Variants in RDX observed in about 807,000 individuals in gnomAD.
RDX encodes the protein radixin.
A neutral mutation model predicts 83.7 loss-of-function variants in RDX; 32 were observed. The observed-to-expected ratio is 0.38, with a 90% CI of 0.29 to 0.51. RDX has a LOEUF of 0.51. Ranked by LOEUF, RDX falls within the 20% of genes least tolerant of loss-of-function variation. The probability of loss-of-function intolerance (pLI) is 0.87; values close to 1 mark genes in which losing one functional copy is unlikely to be tolerated. For synonymous variants in RDX, 229 were observed against 222.7 expected (o/e 1.03, Z -0.25); for missense variants, 600 against 689.9 (o/e 0.87, Z 1.46).
rs183324060 is a variant in RDX at position 110,247,032 on chromosome 11, T to C, written c.1090+671A>G. On this transcript the variant is annotated intron_variant, in intron 10 of 13. Transcript: ENST00000645495. The stretch of plus-strand genomic sequence containing the variant: ...CATTTTATTGATGCAATACTTTTTT[T>C]TTCTTGCTTTCTCCACTATTCGCTG... Among the ~76,000 whole-genome samples, 244 of 152,348 alleles carry C rather than the reference T, an allele frequency of 1.6e-3. 1 individual carries two copies. Among genetic ancestry groups the C allele is most frequent in the Admixed American group, 3.1e-3 (47 of 15,310 alleles).
intron 5 of RDX, among the ~76,000 whole-genome samples, chr11:110,261,517 A>G (rs973905151): frequency 1.3e-5 from 2 of 152,088 alleles, no homozygotes; most frequent in Non-Finnish European, 2.9e-5. Flanking sequence ...CTAATTACTC[A>G]TTTCCTCCCC....
chr11:110,281,727 G>A (rs1191953931), intron 1 of RDX, among the ~76,000 whole-genome samples: 1 of 151,920 alleles, frequency 6.6e-6, no homozygotes, highest in African/African-American at 2.4e-5. Flanking sequence ...ATGTATTTCA[G>A]TCCAATTTTT....
intron 14 of RDX, among the ~76,000 whole-genome samples, chr11:110,217,695 C>G (rs551631065): frequency 5.9e-5 from 9 of 152,266 alleles, no homozygotes; most frequent in African/African-American, 2.2e-4. Flanking sequence ...GCATCAAGAC[C>G]ACTACTGCAC....
chr11:110,255,235 G>T (rs1859491740), intron 8 of RDX, 54 bp downstream of exon 8: 2 of 922,664 alleles, frequency 2.2e-6, no homozygotes, highest in Non-Finnish European at 3.5e-6. Flanking sequence ...GATATCATGG[G>T]AAACTAGCAG....
chr11:110,238,475 C>G (rs1349206619), intron 10 of RDX, among the ~76,000 whole-genome samples: 1 of 152,160 alleles, frequency 6.6e-6, no homozygotes, highest in East Asian at 1.9e-4. Flanking sequence ...TAAGACAGTA[C>G]AAGGTCCTAC....
rs913464454 is a variant in RDX at position 110,229,480 on chromosome 11, G to A, written c.*2389C>T. The A allele has an allele frequency of 6.6e-6, 1 of 152,360 alleles. No individual in the cohort carries two copies. The highest frequency in any genetic ancestry group is 1.5e-5 in the Non-Finnish European group (1 of 67,870). The allele number at this position is 152,360 out of a possible 1,614,324, so 9.4% of individuals were successfully genotyped here. On this transcript the variant is annotated 3_prime_UTR_variant, in exon 14 of 14. Transcript: ENST00000645495. ...TTTTGTCACTTTATTGTTAACCAAT[G>A]AATATTATCCAAAATTAGAGATGTA...
At chr11:110,294,116 G>A (rs144893218) in intron 1 of RDX, among the ~76,000 whole-genome samples, 6 of 152,192 alleles carry the variant, frequency 3.9e-5, no homozygotes, top group Admixed American at 2.6e-4. Flanking sequence ...AATTCTGGCC[G>A]GGCGCAGCGG....
intron 14 of RDX, among the ~76,000 whole-genome samples, chr11:110,221,645 CGAA>C (rs903192735): frequency 6.7e-6 from 1 of 150,304 alleles, no homozygotes; most frequent in Admixed American, 6.6e-5. Flanking sequence ...CACACACACA[CGAA>C]GATCAAAGTT....
intron 5 of RDX, 68 bp downstream of exon 5, chr11:110,263,892 A>G: frequency 6.8e-7 from 1 of 1,473,014 alleles, no homozygotes; most frequent in Non-Finnish European, 9.3e-7. Flanking sequence ...AACCTGAAAA[A>G]CGTTTTATTT....
chr11:110,234,513 C>T (rs1448369336), intron 12 of RDX, among the ~76,000 whole-genome samples: 1 of 152,098 alleles, frequency 6.6e-6, no homozygotes, highest in East Asian at 1.9e-4. Context: ...CAGGAAGTAT[C>T]CTGGAAGAAT....
At chr11:110,211,428 G>A (rs1457889589) in intron 14 of RDX, among the ~76,000 whole-genome samples, 1 of 149,890 alleles carries the variant, frequency 6.7e-6, no homozygotes, top group Non-Finnish European at 1.5e-5. Context: ...AGATCAACGA[G>A]ACAGAAAGTC....
intron 15 of RDX, among the ~76,000 whole-genome samples, chr11:110,188,114 C>A (rs4329655): frequency 6.6e-6 from 1 of 151,872 alleles, no homozygotes; most frequent in Non-Finnish European, 1.5e-5. Flanking sequence ...GCCAAGATGG[C>A]GAAACCCCAT....
chr11:110,282,236 C>G (rs1860793335), intron 1 of RDX, among the ~76,000 whole-genome samples: 1 of 152,124 alleles, frequency 6.6e-6, no homozygotes, highest in Non-Finnish European at 1.5e-5. Flanking sequence ...TTTTTTGAAT[C>G]ATAATAGTTG....
intron 14 of RDX, among the ~76,000 whole-genome samples, chr11:110,221,470 T>C (rs1864243949): frequency 6.6e-6 from 1 of 152,004 alleles, no homozygotes; most frequent in Non-Finnish European, 1.5e-5. Context: ...TGGTGGCACA[T>C]GCCTGTGCTC....
intron 1 of RDX, among the ~76,000 whole-genome samples, chr11:110,290,741 A>C (rs575590356): frequency 6.6e-6 from 1 of 152,234 alleles, no homozygotes; most frequent in South Asian, 2.1e-4. Flanking sequence ...TAAGCCACAC[A>C]GTCTCTGTTG....
At chr11:110,292,841 T>C (rs1486288334) in intron 1 of RDX, among the ~76,000 whole-genome samples, 1 of 152,158 alleles carries the variant, frequency 6.6e-6, no homozygotes, top group Non-Finnish European at 1.5e-5. Context: ...TTCTAAGGAG[T>C]TGGCAAACTT....
intron 15 of RDX, among the ~76,000 whole-genome samples, chr11:110,178,264 G>GA (rs1244789929): frequency 1.3e-5 from 2 of 152,212 alleles, no homozygotes; most frequent in East Asian, 3.8e-4. Flanking sequence ...TTCTAGTGCA[G>GA]AACTCAACTG....
intron 1 of RDX, among the ~76,000 whole-genome samples, chr11:110,290,950 G>C (rs778139625): frequency 3.9e-5 from 6 of 152,140 alleles, no homozygotes; most frequent in Non-Finnish European, 7.4e-5. Context: ...ACAAAGATAT[G>C]AGCTCACTAC....
At position 110,180,391 on chromosome 11, in the gene RDX, A is replaced by T. The variant is rs118189409; in HGVS notation, c.*32-5157T>A. Among the ~76,000 whole-genome samples the T allele has an allele frequency of 1.0e-2, 1,516 of 152,100 alleles. 6 individuals are homozygous for T. Among genetic ancestry groups the T allele is most frequent in the Middle Eastern group, 0.017 (5 of 294 alleles). Reference sequence around the variant, plus strand: ...TTGGGCTGGGATTCATTCCCTCCCAACTTCAGCGGTCGGAATCTTCCCCTC... The same window carrying T: ...TTGGGCTGGGATTCATTCCCTCCCATCTTCAGCGGTCGGAATCTTCCCCTC... On this transcript the variant is annotated intron_variant, in intron 15 of 15. Transcript: ENST00000528498.
Sources: gnomAD v4.1 joint callset for allele counts (sites outside exome capture counted in the v4.1 genomes callset) on GRCh38, gnomAD v4.1.1 for gene constraint, MANE v1.5 for transcripts, NCBI Gene and HGNC (gene_info 2026-07-23, HGNC 2026-07-21) for gene names.